STK32B: variants seen among roughly 807,000 people sequenced by gnomAD.
STK32B encodes serine/threonine kinase 32B.
A neutral mutation model predicts 52.6 loss-of-function variants in STK32B; 43 were observed. The ratio of observed to expected loss-of-function variants is 0.82; its 90% CI spans 0.64 to 1.05. The LOEUF (loss-of-function observed/expected upper bound fraction) is 1.05, where lower values mean the gene tolerates loss of function less well. Ranked by LOEUF, STK32B falls within the 50% of genes least tolerant of loss-of-function variation. The pLI is 0.00. For missense variants in STK32B, 621 were observed against 534.6 expected (o/e 1.16, Z -1.59); for synonymous variants, 238 against 204.3 (o/e 1.17, Z -1.41).
chr4:5,090,361 T>G (rs1407852804), intron 1 of STK32B, among the ~76,000 whole-genome samples: 1 of 147,012 alleles, frequency 6.8e-6, no homozygotes, highest in Non-Finnish European at 1.5e-5. Context: ...ATTTAAGTCT[T>G]TAATCCATCT....
In STK32B at chr4:5,469,682, C is replaced by G. The variant is rs1261428839; in HGVS notation, c.1106+1612C>G. Among the ~76,000 whole-genome samples the G allele has an allele frequency of 1.3e-5, 2 of 152,182 alleles. No individual in the cohort carries two copies. The highest frequency in any genetic ancestry group is 6.5e-5 in the Admixed American group (1 of 15,290). The stretch of plus-strand genomic sequence containing the variant: ...GGGCCAATGGGTGCCCAGATCAGCA[C>G]AGACACACACACCAGGCTTGGGCAG... On this transcript the variant is annotated intron_variant, in intron 11 of 11. Transcript: ENST00000282908. The surrounding 1 kb of genome is among the most constrained non-coding windows in gnomAD (Gnocchi z 4.7).
Position 5,380,336 on chromosome 4 carries a change from A to G in STK32B, c.435-17871A>G, listed in dbSNP as rs139241214. Reference sequence around the variant, plus strand: ...CCAGCCCTCCTCCCGAATCTCTCCAACGCTACCCAAGAGAATGCAAAAGGC... The same window carrying G: ...CCAGCCCTCCTCCCGAATCTCTCCAGCGCTACCCAAGAGAATGCAAAAGGC... On this transcript the variant is annotated intron_variant, in intron 4 of 11. Coordinates refer to ENST00000282908, the MANE Select transcript of STK32B (RefSeq NM_018401.3). The surrounding 1 kb of genome is among the most constrained non-coding windows in gnomAD (Gnocchi z 4.3). Among the ~76,000 whole-genome samples the G allele has an allele frequency of 1.2e-4, 18 of 152,136 alleles. No individual in the cohort carries two copies. The highest frequency in any genetic ancestry group is 1.8e-4 in the Non-Finnish European group (12 of 67,988).
chr4:5,167,123 A>G (rs1718937166), intron 2 of STK32B, among the ~76,000 whole-genome samples: 1 of 151,758 alleles, frequency 6.6e-6, no homozygotes, highest in Admixed American at 6.6e-5. Flanking sequence ...CCATCTTCCC[A>G]TCCTTTAGAG....
chr4:5,417,499 GT>G (rs1484823763), intron 6 of STK32B, among the ~76,000 whole-genome samples: 1 of 151,914 alleles, frequency 6.6e-6, no homozygotes, highest in Non-Finnish European at 1.5e-5. Flanking sequence ...CTTTAAAAAT[GT>G]TCTCATTGTT....
intron 3 of STK32B, among the ~76,000 whole-genome samples, chr4:5,231,241 C>T (rs1311977057): frequency 6.6e-6 from 1 of 152,194 alleles, no homozygotes; most frequent in Non-Finnish European, 1.5e-5. Flanking sequence ...TTCTTCTATG[C>T]TCTGGCTGCC....
At position 5,444,491 on chromosome 4, in the gene STK32B, G is replaced by A. The variant is rs563076957; in HGVS notation, c.563-2182G>A. Among the ~76,000 whole-genome samples, 210 of 152,262 alleles carry A rather than the reference G, an allele frequency of 1.4e-3. 1 individual carries two copies. The highest frequency in any genetic ancestry group is 4.0e-3 in the African/African-American group (168 of 41,550). Reference sequence around the variant, plus strand: ...ACTGTGCGCACACCCACTGACCTGCGCCCACTGTCTGGCACTCCCTAGTGA... The same window carrying A: ...ACTGTGCGCACACCCACTGACCTGCACCCACTGTCTGGCACTCCCTAGTGA... On this transcript the variant is annotated intron_variant, in intron 6 of 11. Coordinates refer to ENST00000282908, the MANE Select transcript of STK32B (RefSeq NM_018401.3).
chr4:5,097,652 A>G (rs756080930), intron 1 of STK32B, among the ~76,000 whole-genome samples: 10 of 152,310 alleles, frequency 6.6e-5, no homozygotes, highest in Non-Finnish European at 1.3e-4. Flanking sequence ...GGTGACTCCA[A>G]TCAGACTCTT....
intron 3 of STK32B, among the ~76,000 whole-genome samples, chr4:5,294,975 T>C (rs183581813): frequency 6.6e-6 from 1 of 152,296 alleles, no homozygotes; most frequent in East Asian, 1.9e-4. Flanking sequence ...GAGTGTTTTT[T>C]AGCATGAAGT....
chr4:5,448,052 G>A (rs1219459292), intron 7 of STK32B, among the ~76,000 whole-genome samples: 2 of 152,242 alleles, frequency 1.3e-5, no homozygotes, highest in African/African-American at 4.8e-5. Flanking sequence ...TTGACTGAAT[G>A]TTTGTTGAAT....
chr4:5,247,182 A>T (rs1725517986), intron 3 of STK32B, among the ~76,000 whole-genome samples: 1 of 152,244 alleles, frequency 6.6e-6, no homozygotes. Flanking sequence ...TGGAGCCTAC[A>T]GAGGCAGGCA....
At chr4:5,339,687 A>G (rs913536080) in intron 4 of STK32B, among the ~76,000 whole-genome samples, 3 of 152,194 alleles carry the variant, frequency 2.0e-5, no homozygotes, top group Admixed American at 2.0e-4. Flanking sequence ...TGGATTGCCA[A>G]GGATATTTAT....
rs1198880024 is a variant in STK32B at position 5,051,828 on chromosome 4, C to A, written c.-36C>A. 5.7e-6 allele frequency: 9 copies of A among 1,576,472 alleles called. No individual in the cohort carries two copies. In the East Asian group the frequency reaches 7.1e-5, roughly 12 times the overall value. On this transcript the variant is annotated 5_prime_UTR_variant, in exon 1 of 12. Transcript: ENST00000282908. ...CCACATCCCGCATCCGGCATCCCAG[C>A]GGCCGGGCATGTAGCAGCGGCAGCA...
chr4:5,492,186 T>C (rs1035914014), intron 11 of STK32B, among the ~76,000 whole-genome samples: 3 of 152,334 alleles, frequency 2.0e-5, no homozygotes, highest in South Asian at 2.1e-4. Flanking sequence ...GCCATTTTCA[T>C]GATGTTGATT....
rs34791116 is a variant in STK32B at position 5,453,224 on chromosome 4, GGAGA to G, written c.667-3565_667-3562del. On this transcript the variant is annotated intron_variant, in intron 7 of 11. Coordinates refer to ENST00000282908, the MANE Select transcript of STK32B (RefSeq NM_018401.3). This position sits in a 1 kb window ranked among gnomAD's most constrained non-coding sequence, Gnocchi z 4.0. ...AAGGAGAGAGAATTACAGAGATTAGGGAGAGAGAGAGAGAGAGAGAGTAGCTCAT... is the reference window on the plus strand; with the variant it reads ...AAGGAGAGAGAATTACAGAGATTAGGGAGAGAGAGAGAGAGAGTAGCTCAT... 0.012 allele frequency among the ~76,000 whole-genome samples: 1,757 copies of G among 150,562 alleles called. 18 individuals are homozygous for G. The highest frequency in any genetic ancestry group is 0.026 in the South Asian group (121 of 4,732).
rs563325010 is a variant in STK32B, at chr4:5,089,238, A to G, written c.52+37323A>G. On this transcript the variant is annotated intron_variant, in intron 1 of 11. Coordinates refer to ENST00000282908, the MANE Select transcript of STK32B (RefSeq NM_018401.3). ...TTTTTCTTTATTCTAAAAAAAAAAC[A>G]GGGATACACATGCAGAACATGCAGG... Among the ~76,000 whole-genome samples the G allele has an allele frequency of 6.6e-5, 10 of 151,440 alleles. No homozygotes were observed. In the South Asian group the frequency reaches 2.1e-3, roughly 32 times the overall value.
intron 1 of STK32B, among the ~76,000 whole-genome samples, chr4:5,117,779 T>C (rs777531239): frequency 2.6e-5 from 4 of 152,228 alleles, no homozygotes; most frequent in East Asian, 1.9e-4. Context: ...ACTAGTTTTT[T>C]CTTTCATGTT....
chr4:5,113,922 ACC>A (rs35261123), intron 1 of STK32B, among the ~76,000 whole-genome samples: 1 of 94,980 alleles, frequency 1.1e-5, no homozygotes, highest in African/African-American at 4.0e-5. Flanking sequence ...ATGCAGGGAA[ACC>A]CGCCCCCCTT....
At chr4:5,337,724 C>T (rs1358726314) in intron 4 of STK32B, among the ~76,000 whole-genome samples, 1 of 151,860 alleles carries the variant, frequency 6.6e-6, no homozygotes, top group African/African-American at 2.4e-5. Flanking sequence ...AAAAAAAACT[C>T]AGTAAAAATA....
At chr4:5,333,297 TC>T (rs1363006905) in intron 4 of STK32B, among the ~76,000 whole-genome samples, 1 of 152,244 alleles carries the variant, frequency 6.6e-6, no homozygotes, top group East Asian at 1.9e-4. Flanking sequence ...AAGTGTCTGT[TC>T]ATGTCCTTTG....
Sources: allele counts gnomAD v4.1 joint callset (sites outside exome capture counted in the v4.1 genomes callset), GRCh38; gene constraint gnomAD v4.1.1; non-coding constraint Gnocchi (gnomAD v3.1); transcripts MANE v1.5; gene names NCBI Gene and HGNC (gene_info 2026-07-23, HGNC 2026-07-21).